The following STIL variants were observed in gnomAD, a reference collection of about 807,000 sequenced individuals.
STIL encodes the protein SCL-interrupting locus protein.
STIL carries 55 observed loss-of-function variants against 110.1 expected under a neutral mutation model. That is an observed-to-expected ratio of 0.50 (90% CI 0.40 to 0.63). The LOEUF is 0.63. Among genes scored for constraint, STIL ranks in the 20% least tolerant of loss-of-function variants. The pLI is 0.00. For missense variants in STIL, 1,358 were observed against 1,530.0 expected, an observed-to-expected ratio of 0.89 and a Z score of 1.87; for synonymous variants, 481 against 530.0, an observed-to-expected ratio of 0.91 and a Z score of 1.27.
rs140720630 is a variant in STIL, at chr1:47,289,653, G to A, written c.873-68C>T. On this transcript the variant is annotated intron_variant, in intron 8 of 16. Transcript: ENST00000371877. ...CATGATGACACTCAAATAACTTCAT[G>A]TGAGTCTCCCAATCTAGTTAACAAA... 1,030 of 1,407,338 alleles carry A rather than the reference G, an allele frequency of 7.3e-4. 6 individuals are homozygous for A. In the African/African-American group the frequency reaches 0.013, roughly 18 times the overall value. The allele number at this position is 1,407,338 out of a possible 1,614,324, so 87.2% of individuals were successfully genotyped here. A position where few individuals can be genotyped will look rare whatever the true frequency, so the allele number is the denominator to read the frequency against.
At chr1:47,305,680 C>T (rs2149238163) in intron 2 of STIL, among the ~76,000 whole-genome samples, 1 of 151,212 alleles carries the variant, frequency 6.6e-6, no homozygotes, top group South Asian at 2.1e-4. Flanking sequence ...CCTGCCTCAG[C>T]CTCCCAAAGT....
At chr1:47,272,756 G>C (rs758483109) in intron 12 of STIL, among the ~76,000 whole-genome samples, 1 of 152,092 alleles carries the variant, frequency 6.6e-6, no homozygotes, top group East Asian at 1.9e-4. Context: ...CTTAGTATTC[G>C]TAAGTTGATA....
At position 47,254,308 on chromosome 1, in the gene STIL, C is replaced by T. The variant is rs528963673; in HGVS notation, c.3081-2386G>A. 2.5e-3 allele frequency among the ~76,000 whole-genome samples: 377 copies of T among 151,368 alleles called. 3 individuals carry two copies. The highest frequency in any genetic ancestry group is 8.9e-3 in the African/African-American group (366 of 41,292). Reference sequence around the variant, plus strand: ...TGAAATTCTCCCTTAATCTTCTTGGCATTTAATGCTTTGAAGACTATTTTA... The same window carrying T: ...TGAAATTCTCCCTTAATCTTCTTGGTATTTAATGCTTTGAAGACTATTTTA... On this transcript the variant is annotated intron_variant, in intron 16 of 16. Transcript: ENST00000371877.
At chr1:47,292,265 C>T (rs1645515751) in intron 8 of STIL, among the ~76,000 whole-genome samples, 1 of 152,040 alleles carries the variant, frequency 6.6e-6, no homozygotes, top group South Asian at 2.1e-4. Flanking sequence ...ATTTCTTTCA[C>T]AGTGTTAGTG....
chr1:47,266,894 A>T (rs1644670008), intron 14 of STIL, among the ~76,000 whole-genome samples: 2 of 152,228 alleles, frequency 1.3e-5, no homozygotes, highest in African/African-American at 4.8e-5. Context: ...AAATTAAAAA[A>T]TCTTTTCTAT....
rs1645132529 is a variant in STIL at position 47,280,687 on chromosome 1, T to C, written c.1771A>G (p.Thr591Ala). The change falls in exon 12 of 17, where the codon ACT becomes GCT. Residue 591 changes from threonine to alanine, a missense_variant. Transcript: ENST00000371877. ...SGRPMELQIP[T>A]PPLPSYCSTN... ...GAACAGTAAGATGGCAGTGGGGGAG[T>C]AGGTATCTGAAGTTCCATTGGTCTT... 6.2e-7 allele frequency: 1 copy of C among 1,613,630 alleles called. No homozygotes were observed. The highest frequency in any genetic ancestry group is 8.5e-7 in the Non-Finnish European group (1 of 1,179,950).
intron 3 of STIL, among the ~76,000 whole-genome samples, 163 bp from the exon 4 acceptor site, chr1:47,302,509 T>C (rs889810346): frequency 6.6e-6 from 1 of 152,154 alleles, no homozygotes; most frequent in Non-Finnish European, 1.5e-5. Flanking sequence ...GGAGGGCCAC[T>C]TGGAAACTAG....
intron 5 of STIL, among the ~76,000 whole-genome samples, chr1:47,301,128 A>C (rs1419558813): frequency 6.6e-6 from 1 of 151,794 alleles, no homozygotes; most frequent in Non-Finnish European, 1.5e-5. Flanking sequence ...TCTTGCTCCC[A>C]CCAAGGCTGG....
chr1:47,303,727 A>G (rs1215682910), intron 3 of STIL, among the ~76,000 whole-genome samples: 3 of 152,256 alleles, frequency 2.0e-5, no homozygotes, highest in African/African-American at 7.2e-5. Flanking sequence ...TTGAACTTCC[A>G]TAAGACTCTC....
Position 47,272,255 on chromosome 1 carries a change from A to G in STIL, c.2218-14T>C, listed in dbSNP as rs1185757707. ...CAAACGCTGAATCTGTATCAATTAA[A>G]AACATACTTTAAACTGACAGGGAAG... On this transcript the variant is annotated splice_polypyrimidine_tract_variant and intron_variant, in intron 12 of 16. Transcript: ENST00000371877. 1 of 1,614,112 alleles carries G rather than the reference A, an allele frequency of 6.2e-7. No individual in the cohort carries two copies. Among genetic ancestry groups the G allele is most frequent in the Admixed American group, 1.7e-5 (1 of 60,020 alleles).
chr1:47,253,988 G>C (rs982489078), intron 16 of STIL, among the ~76,000 whole-genome samples: 3 of 151,862 alleles, frequency 2.0e-5, no homozygotes, highest in African/African-American at 7.3e-5. Context: ...AGACCAACCT[G>C]GCCAACATGG....
Position 47,258,872 on chromosome 1 carries a change from T to G in STIL, c.3080+1417A>C, listed in dbSNP as rs560583936. ...GTGACAGAGCGAGACTGTCTCAAAA[T>G]TAAAACAACAGCAACAACAACAAAA... On this transcript the variant is annotated intron_variant, in intron 16 of 16. Transcript: ENST00000371877. 4.0e-5 allele frequency among the ~76,000 whole-genome samples: 6 copies of G among 151,704 alleles called. 2 individuals carry two copies. The South Asian group carries it at 1.3e-3, about 32-fold the overall frequency.
intron 7 of STIL, among the ~76,000 whole-genome samples, chr1:47,294,546 G>A (rs1052186654): frequency 1.3e-5 from 2 of 152,208 alleles, no homozygotes; most frequent in Non-Finnish European, 2.9e-5. Context: ...CTAGCCAGGC[G>A]TGATGGCCGG....
chr1:47,305,809 T>C (rs372234541), intron 2 of STIL, among the ~76,000 whole-genome samples: 2 of 134,372 alleles, frequency 1.5e-5, no homozygotes, highest in South Asian at 5.3e-4. Context: ...CTCAGCTCAC[T>C]GCAACCTCCG....
intron 16 of STIL, among the ~76,000 whole-genome samples, chr1:47,259,775 T>C (rs1054007773): frequency 6.6e-6 from 1 of 152,242 alleles, no homozygotes; most frequent in African/African-American, 2.4e-5. Context: ...GACTTTATTT[T>C]CTTTTTAATA....
chr1:47,299,284 T>C (rs962348371), intron 6 of STIL, among the ~76,000 whole-genome samples: 1 of 148,472 alleles, frequency 6.7e-6, no homozygotes, highest in Admixed American at 6.7e-5. Flanking sequence ...GAGGTGGAGG[T>C]TACAGTGAGC....
At chr1:47,281,327 T>C (rs1645154594) in intron 11 of STIL, 118 bp from the exon 12 acceptor site, 2 of 1,075,810 alleles carry the variant, frequency 1.9e-6, no homozygotes, top group South Asian at 3.4e-5. Context: ...AAGTGTTCAT[T>C]CTTTATTTAG....
rs140282820 is a variant in STIL at position 47,289,571 on chromosome 1, G to A, written c.887C>T (p.Ser296Phe). 7 of 1,613,320 alleles carry A rather than the reference G, an allele frequency of 4.3e-6. No homozygotes were observed. In the African/African-American group the frequency reaches 9.4e-5, roughly 22 times the overall value. Reference sequence around the variant, plus strand: ...ATAGAGAACTATGATGAAATTTCCAGATTCTGAAAAAACCCTGCACAAAAA... The same window carrying A: ...ATAGAGAACTATGATGAAATTTCCAAATTCTGAAAAAACCCTGCACAAAAA... ...SSVQERVFSE[S>F]GNFIIVLYSM... The change falls in exon 9 of 17, where the codon TCT (serine) becomes TTT (phenylalanine). Residue 296 changes from serine to phenylalanine, a missense_variant. By Grantham distance (155) the Ser-to-Phe change is radical (BLOSUM62 -2). Transcript: ENST00000371877.
chr1:47,254,817 G>A (rs1644285623), intron 16 of STIL, among the ~76,000 whole-genome samples: 2 of 152,150 alleles, frequency 1.3e-5, no homozygotes, highest in Non-Finnish European at 2.9e-5. Flanking sequence ...TAACAGGCAT[G>A]AGACACCATG....
Sources: gnomAD v4.1 joint callset for allele counts (sites outside exome capture counted in the v4.1 genomes callset) on GRCh38, gnomAD v4.1.1 for gene constraint, MANE v1.5 for transcripts, NCBI Gene and HGNC (gene_info 2026-07-23, HGNC 2026-07-21) for gene names.